The following TENM4 variants were observed in gnomAD, a reference collection of about 807,000 sequenced individuals.
TENM4 encodes the protein teneurin-4.
In TENM4, 82 loss-of-function variants were observed where a neutral mutation model predicts 243.3. That is an observed-to-expected ratio of 0.34 (90% CI 0.28 to 0.40). TENM4 has a LOEUF of 0.40. Ranked by LOEUF, TENM4 falls within the 10% of genes least tolerant of loss-of-function variation. TENM4 has a pLI of 1.00. For synonymous variants in TENM4, 1,412 were observed against 1,456.3 expected (o/e 0.97, Z 0.69); for missense variants, 3,138 against 3,673.3 (o/e 0.85, Z 3.77).
chr11:78,930,576 A>C lies in TENM4; in HGVS notation c.494-27053T>G, dbSNP rs574720574. Among the ~76,000 whole-genome samples, 43 of 152,330 alleles carry C rather than the reference A, an allele frequency of 2.8e-4. No homozygotes were observed. In the South Asian group the frequency reaches 3.7e-3, roughly 13 times the overall value. ...TCGGTACGCTCACCTATAAATGAGG[A>C]AAATACAAAGCCTCAATGTCAGGAT... On this transcript the variant is annotated intron_variant, in intron 6 of 33. Transcript: ENST00000278550.
chr11:79,062,422 T>A (rs535682691), intron 6 of TENM4, among the ~76,000 whole-genome samples: 1 of 152,318 alleles, frequency 6.6e-6, no homozygotes, highest in African/African-American at 2.4e-5. Flanking sequence ...AGAATACTGG[T>A]CCCACCAGAT....
At chr11:78,962,456 AG>A (rs1225739808) in intron 6 of TENM4, among the ~76,000 whole-genome samples, 12 of 87,078 alleles carry the variant, frequency 1.4e-4, no homozygotes, top group East Asian at 3.6e-4. Context: ...ATCAACGGGA[AG>A]GGGGGGCTCC....
chr11:78,805,277 T>TCCCCACCCAACACACCCCC lies in TENM4; in HGVS notation c.2179+14_2179+15insGGGGGTGTGTTGGGTGGGG. The TCCCCACCCAACACACCCCC allele has an allele frequency of 7.1e-7, 1 of 1,402,544 alleles. No homozygotes were observed. The highest frequency in any genetic ancestry group is 9.7e-7 in the Non-Finnish European group (1 of 1,033,110). 86.9% of individuals were successfully genotyped at this position (1,402,544 alleles called of 1,614,324 possible). ...CCCCTCCCTCTACCCATGCTTCTTC[T>TCCCCACCCAACACACCCCC]CCCCCTGCATTTACCGATAGAACAG... On this transcript the variant is annotated intron_variant, in intron 15 of 33. Coordinates refer to ENST00000278550, the MANE Select transcript of TENM4 (RefSeq NM_001098816.3).
chr11:79,027,204 AGGTTTGT>A (rs1859102989), intron 6 of TENM4, among the ~76,000 whole-genome samples: 1 of 152,198 alleles, frequency 6.6e-6, no homozygotes, highest in Admixed American at 6.5e-5. Context: ...TTCTAACAGT[AGGTTTGT>A]GGTTTGTGGC....
At position 79,436,757 on chromosome 11, in the gene TENM4, C is replaced by G. The variant is rs143137998; in HGVS notation, c.-321+3752G>C. On this transcript the variant is annotated intron_variant, in intron 1 of 33. Coordinates refer to ENST00000278550, the MANE Select transcript of TENM4 (RefSeq NM_001098816.3). ...CTTACCGCACCACTCTACCTCCACC[C>G]CCAAACAGAGGCCTTGATGAAAACA... is the stretch of plus-strand genomic sequence containing the variant. Among the ~76,000 whole-genome samples the G allele has an allele frequency of 4.7e-3, 720 of 152,284 alleles. 7 individuals carry two copies. The highest frequency in any genetic ancestry group is 0.016 in the African/African-American group (668 of 41,556).
chr11:79,211,923 T>A (rs1410350152), intron 3 of TENM4, among the ~76,000 whole-genome samples: 1 of 152,180 alleles, frequency 6.6e-6, no homozygotes, highest in Non-Finnish European at 1.5e-5. Flanking sequence ...GGTATATTAG[T>A]GTTCTTGGGC....
At chr11:79,158,142 T>C (rs1179299122) in intron 3 of TENM4, among the ~76,000 whole-genome samples, 1 of 152,232 alleles carries the variant, frequency 6.6e-6, no homozygotes. Flanking sequence ...TAATCTCTGC[T>C]TAGGACTTTC....
At chr11:79,334,011 G>A (rs953808834) in intron 1 of TENM4, among the ~76,000 whole-genome samples, 31 of 152,180 alleles carry the variant, frequency 2.0e-4, no homozygotes, top group African/African-American at 7.2e-4. Context: ...AACACATTCT[G>A]CCTTTTCTAG....
intron 3 of TENM4, among the ~76,000 whole-genome samples, chr11:79,185,051 C>T (rs1436759833): frequency 6.6e-6 from 1 of 152,164 alleles, no homozygotes; most frequent in Non-Finnish European, 1.5e-5. Context: ...GTAATCCCAG[C>T]ACTTTGGGAG....
chr11:78,813,485 G>A (rs777423950), intron 13 of TENM4, among the ~76,000 whole-genome samples: 2 of 152,190 alleles, frequency 1.3e-5, no homozygotes, highest in Non-Finnish European at 2.9e-5. Context: ...CAGACTCAGC[G>A]CTCCCAGGAT....
At chr11:79,417,448 A>G (rs1858841612) in intron 1 of TENM4, among the ~76,000 whole-genome samples, 1 of 152,192 alleles carries the variant, frequency 6.6e-6, no homozygotes, top group Non-Finnish European at 1.5e-5. Flanking sequence ...AATACCAACC[A>G]CAAGAGTGGT....
At chr11:79,424,300 G>A (rs966689364) in intron 1 of TENM4, among the ~76,000 whole-genome samples, 1 of 152,098 alleles carries the variant, frequency 6.6e-6, no homozygotes, top group African/African-American at 2.4e-5. Flanking sequence ...AGAATTATCT[G>A]GTCATTTGTG....
intron 15 of TENM4, among the ~76,000 whole-genome samples, chr11:78,793,149 T>C (rs1471422061): frequency 1.3e-5 from 2 of 152,222 alleles, no homozygotes; most frequent in African/African-American, 4.8e-5. Context: ...TCCTGTTCAT[T>C]AAAATAGCTG....
chr11:79,037,559 A>G (rs1316063429), intron 6 of TENM4, among the ~76,000 whole-genome samples: 1 of 152,180 alleles, frequency 6.6e-6, no homozygotes, highest in African/African-American at 2.4e-5. Context: ...ATTTGGCTTC[A>G]TTTTTTTAAG....
intron 4 of TENM4, among the ~76,000 whole-genome samples, chr11:79,119,916 A>G (rs1432442453): frequency 6.6e-6 from 1 of 152,198 alleles, no homozygotes; most frequent in East Asian, 1.9e-4. Flanking sequence ...GGCTGTCTAT[A>G]TCCCAGAATA....
chr11:79,067,074 AC>A (rs1484069263), intron 5 of TENM4, among the ~76,000 whole-genome samples: 1 of 151,462 alleles, frequency 6.6e-6, no homozygotes, highest in South Asian at 2.1e-4. Flanking sequence ...CCTTCCCAAT[AC>A]CCCCAATCTC....
At chr11:78,884,642 G>C (rs1429451996) in intron 9 of TENM4, among the ~76,000 whole-genome samples, 1 of 152,132 alleles carries the variant, frequency 6.6e-6, no homozygotes, top group East Asian at 1.9e-4. Flanking sequence ...TTGTGGTGAG[G>C]GTCCAGAGAA....
chr11:78,885,865 C>G (rs935589889), intron 9 of TENM4, among the ~76,000 whole-genome samples: 1 of 152,170 alleles, frequency 6.6e-6, no homozygotes, highest in Non-Finnish European at 1.5e-5. Context: ...TTCAAGGCTG[C>G]AGTGAGCTAT....
At chr11:78,727,221 G>T (rs1373665624) in intron 22 of TENM4, among the ~76,000 whole-genome samples, 1 of 152,184 alleles carries the variant, frequency 6.6e-6, no homozygotes, top group African/African-American at 2.4e-5. Context: ...GGCCGAGGCG[G>T]GCGGATCACG....
Sources: gnomAD v4.1 joint callset for allele counts (sites outside exome capture counted in the v4.1 genomes callset) on GRCh38, gnomAD v4.1.1 for gene constraint, MANE v1.5 for transcripts, NCBI Gene and HGNC (gene_info 2026-07-23, HGNC 2026-07-21) for gene names.